The following GRIN2A variants were observed in gnomAD, a reference collection of about 807,000 sequenced individuals.
The protein encoded by GRIN2A is glutamate receptor ionotropic, NMDA 2A.
GRIN2A carries 22 observed loss-of-function variants against 113.4 expected under a neutral mutation model. The observed-to-expected ratio is 0.19, with a 90% CI of 0.14 to 0.28. The LOEUF (loss-of-function observed/expected upper bound fraction) is 0.28, where lower values mean the gene tolerates loss of function less well. Ranked by LOEUF, GRIN2A falls within the 10% of genes least tolerant of loss-of-function variation. The pLI is 1.00. For missense variants in GRIN2A, 1,502 were observed against 1,887.0 expected (o/e 0.80, Z 3.78); for synonymous variants, 827 against 738.4 (o/e 1.12, Z -1.94).
intron 2 of GRIN2A, among the ~76,000 whole-genome samples, chr16:10,151,651 A>C (rs938402940): frequency 6.6e-6 from 1 of 152,126 alleles, no homozygotes; most frequent in Non-Finnish European, 1.5e-5. Flanking sequence ...CTGGAAAATT[A>C]AAAGTTTCCT....
chr16:10,093,848 G>C (rs754323801), intron 2 of GRIN2A, among the ~76,000 whole-genome samples: 3 of 152,120 alleles, frequency 2.0e-5, no homozygotes, highest in Non-Finnish European at 2.9e-5. Context: ...TTTGCCCAGG[G>C]TGTCTAAGAC....
chr16:9,773,957 AGGGTAATTGAGG>A (rs1901443956), intron 11 of GRIN2A, among the ~76,000 whole-genome samples: 1 of 62,014 alleles, frequency 1.6e-5, no homozygotes, highest in Admixed American at 1.4e-4. Context: ...GGAACAGGCA[AGGGTAATTGAGG>A]CAGTGTTGTG....
chr16:9,938,486 C>T lies in GRIN2A; in HGVS notation c.480G>A (p.Lys160=). The change falls in exon 3 of 13, where the codon AAG becomes AAA. Residue 160 remains lysine (K), a synonymous_variant. Transcript: ENST00000330684. ...CATGCCAGTCATAATCCTGCATGATCTTCAGCATGACCGTGGCTTGCTGCT... is the reference window on the plus strand; with the variant it reads ...CATGCCAGTCATAATCCTGCATGATTTTCAGCATGACCGTGGCTTGCTGCT... ...SIQQQATVML[K]IMQDYDWHVF... The T allele has an allele frequency of 1.2e-6, 2 of 1,612,940 alleles. No individual in the cohort carries two copies. The highest frequency in any genetic ancestry group is 1.7e-6 in the Non-Finnish European group (2 of 1,179,996).
rs766205605 is a variant in GRIN2A at position 9,758,117 on chromosome 16, T to C, written c.*5032A>G. 2 of 213,838 alleles carry C rather than the reference T, an allele frequency of 9.4e-6. No homozygotes were observed. Among genetic ancestry groups the C allele is most frequent in the Non-Finnish European group, 1.9e-5 (2 of 105,838 alleles). The allele number at this position is 213,838 out of a possible 1,614,324, so 13.2% of individuals were successfully genotyped here. ...TTCATTTTTCTCATCTCTCCTCCCCTTCTCCTAACTTTTGGTGTGGTTCTA... is the reference window on the plus strand; with the variant it reads ...TTCATTTTTCTCATCTCTCCTCCCCCTCTCCTAACTTTTGGTGTGGTTCTA... On this transcript the variant is annotated 3_prime_UTR_variant, in exon 13 of 13. Transcript: ENST00000330684.
At chr16:9,873,795 C>G (rs572282912) in intron 4 of GRIN2A, among the ~76,000 whole-genome samples, 73 of 152,296 alleles carry the variant, frequency 4.8e-4, no homozygotes, top group African/African-American at 1.4e-3. Context: ...CCCTGCTTTC[C>G]TATGTTAGAT....
At chr16:9,796,570 C>G (rs1226725608) in intron 11 of GRIN2A, among the ~76,000 whole-genome samples, 1 of 152,230 alleles carries the variant, frequency 6.6e-6, no homozygotes, top group Non-Finnish European at 1.5e-5. Context: ...TGTTAGCAGA[C>G]GTGAACGTGA....
rs534038164 is a variant in GRIN2A, at chr16:10,163,184, C to T, written c.414+16814G>A. Among the ~76,000 whole-genome samples the T allele has an allele frequency of 7.2e-5, 11 of 152,178 alleles. No individual in the cohort carries two copies. The East Asian group carries it at 1.4e-3, about 19-fold the overall frequency. ...AGGGAACATGGGAGTGGGGAGTGGG[C>T]GGTGGCATGGACAGCTGGCTTCAGC... On this transcript the variant is annotated intron_variant, in intron 2 of 12. Transcript: ENST00000330684.
intron 2 of GRIN2A, among the ~76,000 whole-genome samples, chr16:10,101,030 C>T (rs557074431): frequency 4.6e-5 from 7 of 152,340 alleles, no homozygotes; most frequent in African/African-American, 7.2e-5. Flanking sequence ...GATTCACTTC[C>T]GCTTTTGAGC....
chr16:9,839,472 G>A (rs1351722620), intron 7 of GRIN2A, among the ~76,000 whole-genome samples: 4 of 151,978 alleles, frequency 2.6e-5, no homozygotes, highest in African/African-American at 7.3e-5. Flanking sequence ...TTGGCTTAAT[G>A]GGTAGTCACA....
chr16:9,938,148 G>A lies in GRIN2A; in HGVS notation c.818C>T (p.Pro273Leu). 6.2e-7 allele frequency: 1 copy of A among 1,614,130 alleles called. No individual in the cohort carries two copies. The highest frequency in any genetic ancestry group is 1.3e-5 in the African/African-American group (1 of 75,048). The change falls in exon 3 of 13, where the codon CCA (proline) becomes CTA (leucine). Residue 273 changes from proline to leucine, a missense_variant. This residue lies in a region of GRIN2A where 334 missense variants were observed against 403.0 expected (regional missense o/e 0.83). Coordinates refer to ENST00000330684, the MANE Select transcript of GRIN2A (RefSeq NM_001134407.3). ...GTAGGAGACAGAAATGAGTCCCGAT[G>A]GAAACTCTTTTGGGATGAGCTCCGT... The part of the protein sequence containing the change: ...GNTELIPKEF[P>L]SGLISVSYDD...
chr16:10,014,207 C>T (rs1180880898), intron 2 of GRIN2A, among the ~76,000 whole-genome samples: 2 of 152,152 alleles, frequency 1.3e-5, no homozygotes, highest in Admixed American at 1.3e-4. Context: ...CAAATGAAAA[C>T]TCCAGTTTTT....
At chr16:9,979,883 T>C (rs1046471302) in intron 2 of GRIN2A, among the ~76,000 whole-genome samples, 2 of 147,294 alleles carry the variant, frequency 1.4e-5, no homozygotes, top group Admixed American at 1.4e-4. Context: ...GTGTATGAGA[T>C]AAAAGTATAT....
At chr16:9,975,210 T>C (rs572866512) in intron 2 of GRIN2A, among the ~76,000 whole-genome samples, 6 of 152,226 alleles carry the variant, frequency 3.9e-5, no homozygotes, top group African/African-American at 1.2e-4. Flanking sequence ...AAGGCAGATA[T>C]AATGGGCAAA....
intron 2 of GRIN2A, among the ~76,000 whole-genome samples, chr16:10,158,376 C>A (rs75336074): frequency 0.037 from 5,557 of 152,176 alleles, 297 homozygotes; most frequent in African/African-American, 0.11. Flanking sequence ...CTCAATAAGT[C>A]AAGCATAGTA....
intron 2 of GRIN2A, among the ~76,000 whole-genome samples, chr16:10,044,022 T>TATATAGAGAGAGATAG (rs531659457): frequency 3.4e-4 from 37 of 108,018 alleles, no homozygotes; most frequent in African/African-American, 1.4e-3. Flanking sequence ...TATATATATA[T>TATATAGAGAGAGATAG]AGAGAGAGAG....
At chr16:10,042,389 G>C (rs993965690) in intron 2 of GRIN2A, among the ~76,000 whole-genome samples, 1 of 151,998 alleles carries the variant, frequency 6.6e-6, no homozygotes, top group Non-Finnish European at 1.5e-5. Flanking sequence ...CAGCCCCACG[G>C]AGAGGTTCTC....
At chr16:9,830,755 A>G (rs998698048) in intron 8 of GRIN2A, among the ~76,000 whole-genome samples, 5 of 152,216 alleles carry the variant, frequency 3.3e-5, no homozygotes, top group African/African-American at 1.2e-4. Flanking sequence ...CTGTACTTAT[A>G]ATATCCATGA....
intron 4 of GRIN2A, among the ~76,000 whole-genome samples, chr16:9,867,115 C>G (rs1398127841): frequency 1.3e-5 from 2 of 152,088 alleles, no homozygotes; most frequent in African/African-American, 4.8e-5. Context: ...TTCCTGCCCC[C>G]ACTTTGTCTT....
At chr16:9,774,079 C>T (rs1426873015) in intron 11 of GRIN2A, among the ~76,000 whole-genome samples, 1 of 151,836 alleles carries the variant, frequency 6.6e-6, no homozygotes, top group Non-Finnish European at 1.5e-5. Flanking sequence ...GCTTCCATTC[C>T]ATTCCACTGG....
Sources: allele counts gnomAD v4.1 joint callset (sites outside exome capture counted in the v4.1 genomes callset), GRCh38; gene constraint gnomAD v4.1.1; regional missense constraint gnomAD v4.1.1; transcripts MANE v1.5; gene names NCBI Gene and HGNC (gene_info 2026-07-23, HGNC 2026-07-21).